CMSS1: variants seen among roughly 807,000 people sequenced by gnomAD.
The protein encoded by CMSS1 is cms1 ribosomal small subunit homolog.
In CMSS1, 33 loss-of-function variants were observed where a neutral mutation model predicts 43.5. That is an observed-to-expected ratio of 0.76 (90% CI 0.57 to 1.01). CMSS1 has a LOEUF of 1.01. Among genes scored for constraint, CMSS1 ranks in the 50% least tolerant of loss-of-function variants. The pLI is 0.00. For synonymous variants in CMSS1, 115 were observed against 117.2 expected (o/e 0.98, Z 0.12); for missense variants, 313 against 326.4 (o/e 0.96, Z 0.32).
intron 1 of CMSS1, among the ~76,000 whole-genome samples, chr3:99,895,194 T>C (rs574144759): frequency 6.6e-6 from 1 of 152,264 alleles, no homozygotes; most frequent in African/African-American, 2.4e-5. Flanking sequence ...ATGGTTAAAC[T>C]TAACTATATT....
chr3:100,171,975 T>C, intron 7 of CMSS1, 76 bp downstream of exon 7: 1 of 1,074,056 alleles, frequency 9.3e-7, no homozygotes, highest in Non-Finnish European at 1.4e-6. Context: ...CTTCTCCTAA[T>C]CTCCTTAGCA....
chr3:100,043,765 C>G (rs974761230), intron 1 of CMSS1, among the ~76,000 whole-genome samples: 1 of 152,060 alleles, frequency 6.6e-6, no homozygotes, highest in Non-Finnish European at 1.5e-5. Context: ...ATCAATCAAG[C>G]TAGTTAACAT....
chr3:99,983,720 C>T (rs1036890476), intron 1 of CMSS1, among the ~76,000 whole-genome samples: 4 of 149,172 alleles, frequency 2.7e-5, no homozygotes, highest in African/African-American at 9.8e-5. Flanking sequence ...AGAAGTACCA[C>T]ATTATTTACC....
At chr3:100,137,231 C>T (rs1162897930) in intron 1 of CMSS1, among the ~76,000 whole-genome samples, 1 of 152,202 alleles carries the variant, frequency 6.6e-6, no homozygotes, top group Admixed American at 6.5e-5. Context: ...AGCTGTGTAT[C>T]CAGCATTACT....
chr3:99,890,754 A>G (rs1177908297), intron 1 of CMSS1, among the ~76,000 whole-genome samples: 2 of 151,404 alleles, frequency 1.3e-5, no homozygotes, highest in Middle Eastern at 3.2e-3. Flanking sequence ...CATATTAAGT[A>G]TGTCTTACAT....
At chr3:100,160,836 C>G (rs2107526142) in intron 3 of CMSS1, among the ~76,000 whole-genome samples, 1 of 152,242 alleles carries the variant, frequency 6.6e-6, no homozygotes, top group Middle Eastern at 3.4e-3. Flanking sequence ...CTGGCTCTGT[C>G]CATGAAAAGA....
At chr3:99,963,353 T>A (rs1708549595) in intron 1 of CMSS1, among the ~76,000 whole-genome samples, 1 of 152,126 alleles carries the variant, frequency 6.6e-6, no homozygotes, top group African/African-American at 2.4e-5. Context: ...AGAGAAAGTT[T>A]GAAGTCATGA....
At chr3:99,827,214 CAG>C (rs1237720335) in intron 1 of CMSS1, among the ~76,000 whole-genome samples, 3 of 152,096 alleles carry the variant, frequency 2.0e-5, no homozygotes, top group South Asian at 2.1e-4. Flanking sequence ...TATTTTGAGA[CAG>C]AGTCTCACTC....
chr3:99,875,240 T>C (rs1016961318), intron 1 of CMSS1, among the ~76,000 whole-genome samples: 1 of 152,214 alleles, frequency 6.6e-6, no homozygotes, highest in Non-Finnish European at 1.5e-5. Context: ...TGTTCAGTTA[T>C]CATACTGTAA....
At chr3:100,116,559 C>T (rs892165434) in intron 1 of CMSS1, among the ~76,000 whole-genome samples, 16 of 152,130 alleles carry the variant, frequency 1.1e-4, no homozygotes, top group African/African-American at 3.9e-4. Context: ...AAACCAAGAT[C>T]TGGGGATTGC....
At chr3:99,986,365 A>C (rs1709342382) in intron 1 of CMSS1, among the ~76,000 whole-genome samples, 1 of 152,218 alleles carries the variant, frequency 6.6e-6, no homozygotes, top group Non-Finnish European at 1.5e-5. Context: ...TAAAGAGAAT[A>C]GTATGTGTGC....
chr3:100,109,532 A>C (rs574511693), intron 1 of CMSS1, among the ~76,000 whole-genome samples: 4 of 151,882 alleles, frequency 2.6e-5, no homozygotes, highest in African/African-American at 9.7e-5. Context: ...TTCTGTCCCT[A>C]TAGTTTTTGG....
At chr3:100,174,742 A>T (rs2067135716) in intron 8 of CMSS1, among the ~76,000 whole-genome samples, 1 of 152,170 alleles carries the variant, frequency 6.6e-6, no homozygotes, top group Non-Finnish European at 1.5e-5. Flanking sequence ...ATATAAGGAG[A>T]GTTTTCAGAC....
chr3:99,983,389 AATATATATAT>A (rs397990626), intron 1 of CMSS1, among the ~76,000 whole-genome samples: 8 of 40,788 alleles, frequency 2.0e-4, no homozygotes, highest in East Asian at 8.2e-4. Context: ...TAAATAAATA[AATATATATAT>A]ATATATATAT....
chr3:100,114,868 C>T (rs1023210170), intron 1 of CMSS1: 7 of 1,027,426 alleles, frequency 6.8e-6, no homozygotes, highest in Non-Finnish European at 8.6e-6. Context: ...ACCCAAGGCA[C>T]TGTAAACATT....
chr3:99,873,534 G>A (rs1300269622), intron 1 of CMSS1, among the ~76,000 whole-genome samples: 1 of 152,020 alleles, frequency 6.6e-6, no homozygotes, highest in African/African-American at 2.4e-5. Flanking sequence ...CTTGTAAAAT[G>A]TTCACTTTGC....
chr3:100,004,582 T>A (rs1242674712), intron 1 of CMSS1, among the ~76,000 whole-genome samples: 1 of 152,054 alleles, frequency 6.6e-6, no homozygotes, highest in Non-Finnish European at 1.5e-5. Flanking sequence ...AAAACCAAGA[T>A]ACAAGGAATT....
intron 1 of CMSS1, among the ~76,000 whole-genome samples, chr3:100,036,177 T>G (rs905772846): frequency 2.0e-5 from 3 of 152,192 alleles, no homozygotes; most frequent in Non-Finnish European, 4.4e-5. Context: ...CCTAGCTCTG[T>G]CAACTAAAAA....
chr3:99,833,298 G>A (rs777348328), intron 1 of CMSS1: 1 of 1,565,014 alleles, frequency 6.4e-7, no homozygotes, highest in East Asian at 2.2e-5. Flanking sequence ...TAAATTTGTG[G>A]AATATATTAA....
Sources: allele counts gnomAD v4.1 joint callset (sites outside exome capture counted in the v4.1 genomes callset), GRCh38; gene constraint gnomAD v4.1.1; transcripts MANE v1.5; gene names NCBI Gene and HGNC (gene_info 2026-07-23, HGNC 2026-07-21).